Variants in ARHGEF3 observed in about 807,000 individuals in gnomAD.
ARHGEF3 encodes 59.8 kDA protein.
In ARHGEF3, 28 loss-of-function variants were observed where a neutral mutation model predicts 63.2. That is an observed-to-expected ratio of 0.44 (90% confidence interval 0.33 to 0.61). The LOEUF is 0.61. Among genes scored for constraint, ARHGEF3 ranks in the 20% least tolerant of loss-of-function variants. The pLI, the probability that ARHGEF3 is intolerant of heterozygous loss-of-function variation, is 0.03. For synonymous variants in ARHGEF3, 266 were observed against 254.2 expected (o/e 1.05, Z -0.44); for missense variants, 533 against 659.3 (o/e 0.81, Z 2.10).
intron 3 of ARHGEF3, 77 bp from the exon 4 acceptor site, chr3:56,753,643 C>A: frequency 8.0e-7 from 1 of 1,245,266 alleles, no homozygotes; most frequent in Non-Finnish European, 1.2e-6. Context: ...CTGGCTCCAC[C>A]ACTCAAAACC....
intron 3 of ARHGEF3, among the ~76,000 whole-genome samples, chr3:56,915,584 T>C (rs1305376417): frequency 6.6e-6 from 1 of 152,170 alleles, no homozygotes; most frequent in African/African-American, 2.4e-5. Flanking sequence ...TCAGAGCTCC[T>C]AACCATTCTT....
chr3:56,828,055 T>C (rs1296801621), intron 4 of ARHGEF3, among the ~76,000 whole-genome samples: 3 of 150,436 alleles, frequency 2.0e-5, no homozygotes, highest in African/African-American at 7.3e-5. Flanking sequence ...AAATTCAACA[T>C]TGCTATAACA....
chr3:56,908,535 G>C (rs1424021786), intron 3 of ARHGEF3, among the ~76,000 whole-genome samples: 1 of 152,196 alleles, frequency 6.6e-6, no homozygotes, highest in Admixed American at 6.5e-5. Context: ...TGTGGAATAT[G>C]TTTCTCTCAT....
intron 2 of ARHGEF3, among the ~76,000 whole-genome samples, chr3:57,014,662 A>C (rs1702902357): frequency 6.7e-6 from 1 of 149,516 alleles, no homozygotes; most frequent in African/African-American, 2.4e-5. Flanking sequence ...TTACAAAAGC[A>C]AATATTTATA....
intron 1 of ARHGEF3, among the ~76,000 whole-genome samples, chr3:57,066,480 C>G (rs1222764664): frequency 3.9e-5 from 6 of 152,186 alleles, no homozygotes; most frequent in African/African-American, 1.4e-4. Flanking sequence ...CTAGGCTGGT[C>G]TTGAACTCCT....
chr3:56,876,181 G>A (rs2040580728), intron 4 of ARHGEF3, among the ~76,000 whole-genome samples: 1 of 152,182 alleles, frequency 6.6e-6, no homozygotes, highest in Admixed American at 6.5e-5. Context: ...TGGTTGGCCT[G>A]CATGTGTAAA....
chr3:56,876,096 G>A (rs898791841), intron 4 of ARHGEF3, among the ~76,000 whole-genome samples: 2 of 152,164 alleles, frequency 1.3e-5, no homozygotes, highest in African/African-American at 4.8e-5. Flanking sequence ...TTCCACAAAT[G>A]GGAGAATAGT....
chr3:56,857,811 GGCACAA>G (rs2039936795), intron 4 of ARHGEF3, among the ~76,000 whole-genome samples: 1 of 152,106 alleles, frequency 6.6e-6, no homozygotes, highest in African/African-American at 2.4e-5. Context: ...GCTATTCACA[GGCACAA>G]TCGTAGCACA....
At position 56,751,040 on chromosome 3, in the gene ARHGEF3, C is replaced by T; in HGVS notation, c.612+16G>A. 1.2e-6 allele frequency: 2 copies of T among 1,605,070 alleles called. No homozygotes were observed. Among genetic ancestry groups the T allele is most frequent in the Non-Finnish European group, 1.7e-6 (2 of 1,174,318 alleles). On this transcript the variant is annotated intron_variant, in intron 6 of 9. Transcript: ENST00000296315. ...ATTGAAATTTATCTTCAATAAAGAC[C>T]AGAGAACTTTCTTACCCAGCCCACG...
intron 3 of ARHGEF3, among the ~76,000 whole-genome samples, chr3:56,898,383 A>G (rs1275655699): frequency 6.6e-6 from 1 of 151,440 alleles, no homozygotes; most frequent in Non-Finnish European, 1.5e-5. Context: ...TGATTTTTGT[A>G]TTTTTAGTGG....
intron 2 of ARHGEF3, among the ~76,000 whole-genome samples, chr3:57,018,290 A>C (rs575883366): frequency 2.0e-5 from 3 of 151,634 alleles, no homozygotes; most frequent in South Asian, 2.1e-4. Flanking sequence ...AAAAAAAAAA[A>C]AAAAAAAACT....
At chr3:56,996,332 AGT>A (rs1228823697) in intron 2 of ARHGEF3, among the ~76,000 whole-genome samples, 1 of 152,144 alleles carries the variant, frequency 6.6e-6, no homozygotes, top group African/African-American at 2.4e-5. Context: ...TCTCAAATAT[AGT>A]TATTCCTTCC....
intron 7 of ARHGEF3, among the ~76,000 whole-genome samples, chr3:56,742,475 G>T (rs937494615): frequency 6.6e-6 from 1 of 152,114 alleles, no homozygotes; most frequent in African/African-American, 2.4e-5. Flanking sequence ...CTCTTGGAAC[G>T]GAAGCAATTT....
intron 2 of ARHGEF3, among the ~76,000 whole-genome samples, chr3:57,012,648 C>T (rs1158345464): frequency 6.6e-6 from 1 of 152,232 alleles, no homozygotes; most frequent in Non-Finnish European, 1.5e-5. Flanking sequence ...ACTAAAGTCA[C>T]TTACTCAAGG....
chr3:56,944,652 C>T (rs962730684), intron 3 of ARHGEF3, among the ~76,000 whole-genome samples: 6 of 136,194 alleles, frequency 4.4e-5, no homozygotes, highest in African/African-American at 1.6e-4. Flanking sequence ...TCTCAGGGCA[C>T]TGCAACCTCT....
At chr3:56,882,314 C>T (rs1167351049) in exon 4 of ARHGEF3, 2 of 1,551,812 alleles carry the variant, frequency 1.3e-6, no homozygotes, top group East Asian at 4.9e-5. Flanking sequence ...ACTGCAAAGG[C>T]TAACAGCATC....
chr3:56,924,494 G>C (rs1448681009), intron 3 of ARHGEF3, among the ~76,000 whole-genome samples: 3 of 152,172 alleles, frequency 2.0e-5, no homozygotes, highest in Non-Finnish European at 4.4e-5. Context: ...GTGAAAGCAA[G>C]TTTATTAGGA....
At chr3:57,010,549 G>A (rs1403445229) in intron 2 of ARHGEF3, among the ~76,000 whole-genome samples, 1 of 151,830 alleles carries the variant, frequency 6.6e-6, no homozygotes, top group Non-Finnish European at 1.5e-5. Flanking sequence ...ACATATACAG[G>A]TTATTTTACA....
chr3:56,746,799 C>T (rs1303593006), intron 6 of ARHGEF3, among the ~76,000 whole-genome samples: 1 of 152,024 alleles, frequency 6.6e-6, no homozygotes, highest in Non-Finnish European at 1.5e-5. Flanking sequence ...AAATACTCTG[C>T]TGCAGCTTTT....
Sources: gnomAD v4.1 joint callset for allele counts (sites outside exome capture counted in the v4.1 genomes callset) on GRCh38, gnomAD v4.1.1 for gene constraint, MANE v1.5 for transcripts, NCBI Gene and HGNC (gene_info 2026-07-23, HGNC 2026-07-21) for gene names.